ARK2N: variants seen among roughly 807,000 people sequenced by gnomAD.
ARK2N encodes the protein arkadia (RNF111) N-terminal like PKA signaling regulator 2N.
the ARK2N span, among the ~76,000 whole-genome samples, chr18:46,177,974 G>T: frequency 6.6e-6 from 1 of 152,204 alleles, no homozygotes; most frequent in African/African-American, 2.4e-5. Context: ...CTGTGTGCCA[G>T]CAGTGCTCTA....
chr18:46,195,549 C>G, the ARK2N span, among the ~76,000 whole-genome samples: 1 of 144,810 alleles, frequency 6.9e-6, no homozygotes. Flanking sequence ...CGCCTTGCAT[C>G]CCACATAAAC....
the ARK2N span, among the ~76,000 whole-genome samples, chr18:46,234,823 G>C: frequency 6.6e-6 from 1 of 152,166 alleles, no homozygotes; most frequent in Non-Finnish European, 1.5e-5. Flanking sequence ...AGGGTCTTTT[G>C]ACAGCAACAA....
At chr18:46,178,302 C>T in the ARK2N span, among the ~76,000 whole-genome samples, 2 of 152,136 alleles carry the variant, frequency 1.3e-5, no homozygotes, top group African/African-American at 4.8e-5. Flanking sequence ...GATAGGCATT[C>T]CTTTTATTTT....
chr18:46,213,268 G>A, the ARK2N span, among the ~76,000 whole-genome samples: 57 of 151,892 alleles, frequency 3.8e-4, no homozygotes, highest in African/African-American at 1.3e-3. Context: ...CCAAAGTGCT[G>A]GGAATACAAA....
the ARK2N span, chr18:46,232,294 A>G: frequency 2.0e-5 from 3 of 152,220 alleles, no homozygotes; most frequent in African/African-American, 7.2e-5. Context: ...TTATCTTACA[A>G]AAAGGTAGCC....
the ARK2N span, among the ~76,000 whole-genome samples, chr18:46,178,996 G>T: frequency 1.3e-5 from 2 of 151,938 alleles, no homozygotes; most frequent in Non-Finnish European, 2.9e-5. Context: ...AGGCTGAACT[G>T]CAGTGTCAGG....
chr18:46,263,095 A>G, the ARK2N span: 1 of 1,613,144 alleles, frequency 6.2e-7, no homozygotes, highest in South Asian at 1.1e-5. Flanking sequence ...GGATGAGGAT[A>G]GCAGGCGTAA....
chr18:46,178,134 G>C, the ARK2N span, among the ~76,000 whole-genome samples: 4 of 152,132 alleles, frequency 2.6e-5, no homozygotes, highest in African/African-American at 9.7e-5. Flanking sequence ...CAGTGCACTT[G>C]AATGGTTAAG....
At chr18:46,191,324 T>TA in the ARK2N span, among the ~76,000 whole-genome samples, 3 of 152,108 alleles carry the variant, frequency 2.0e-5, no homozygotes, top group East Asian at 5.8e-4. Flanking sequence ...CCAATATTGA[T>TA]ACATTATTAT....
the ARK2N span, among the ~76,000 whole-genome samples, chr18:46,195,972 ACTTTTT>A: frequency 6.6e-6 from 1 of 150,776 alleles, no homozygotes; most frequent in South Asian, 2.1e-4. Context: ...GTCTGTGTTT[ACTTTTT>A]CTTTTTCTTT....
the ARK2N span, among the ~76,000 whole-genome samples, chr18:46,187,446 A>G: frequency 1.3e-5 from 2 of 151,666 alleles, no homozygotes; most frequent in South Asian, 2.1e-4. Context: ...GGTTCAAGCA[A>G]TTCTCCTGCC....
chr18:46,205,426 A>G, the ARK2N span, among the ~76,000 whole-genome samples: 46 of 152,190 alleles, frequency 3.0e-4, no homozygotes, highest in South Asian at 1.0e-3. Flanking sequence ...CTTTCTTACA[A>G]TCTGAGTCTA....
the ARK2N span, among the ~76,000 whole-genome samples, chr18:46,197,982 C>T: frequency 2.0e-5 from 3 of 151,950 alleles, no homozygotes; most frequent in East Asian, 1.9e-4. Flanking sequence ...TTAACCTGCC[C>T]AGTTTTTCCT....
At chr18:46,237,032 T>C in the ARK2N span, among the ~76,000 whole-genome samples, 11 of 152,030 alleles carry the variant, frequency 7.2e-5, no homozygotes, top group African/African-American at 2.7e-4. Context: ...CCGGCTAATT[T>C]TTGTAATTTT....
At chr18:46,254,434 C>T in the ARK2N span, among the ~76,000 whole-genome samples, 2 of 152,192 alleles carry the variant, frequency 1.3e-5, no homozygotes, top group Non-Finnish European at 2.9e-5. Context: ...GTTTGGCATT[C>T]GTTAAGGTAG....
the ARK2N span, among the ~76,000 whole-genome samples, chr18:46,220,213 C>T: frequency 6.6e-6 from 1 of 152,172 alleles, no homozygotes; most frequent in Admixed American, 6.5e-5. Context: ...TTGAAAATCT[C>T]ATTTCTTTTG....
the ARK2N span, among the ~76,000 whole-genome samples, chr18:46,184,403 T>C: frequency 6.6e-6 from 1 of 152,010 alleles, no homozygotes; most frequent in Non-Finnish European, 1.5e-5. Context: ...ATGACAGGCG[T>C]GAGCTACTGC....
chr18:46,206,320 AAG>A, the ARK2N span, among the ~76,000 whole-genome samples: 1 of 151,960 alleles, frequency 6.6e-6, no homozygotes, highest in Admixed American at 6.6e-5. Flanking sequence ...TCCTGGCCTT[AAG>A]AGAGCCTCCC....
At chr18:46,200,251 G>A in the ARK2N span, among the ~76,000 whole-genome samples, 9 of 152,244 alleles carry the variant, frequency 5.9e-5, no homozygotes, top group Admixed American at 4.6e-4. Flanking sequence ...TTTATACTGA[G>A]TTCAGGATTT....
Sources: allele counts gnomAD v4.1 joint callset (sites outside exome capture counted in the v4.1 genomes callset), GRCh38; gene constraint gnomAD v4.1.1; transcripts MANE v1.5; gene names NCBI Gene and HGNC (gene_info 2026-07-23, HGNC 2026-07-21).